UST: variants seen among roughly 807,000 people sequenced by gnomAD.
UST encodes the protein chondroitin sulfate 2-O-sulfotransferase.
UST carries 21 observed loss-of-function variants against 45.6 expected under a neutral mutation model. That is an observed-to-expected ratio of 0.46 (90% CI 0.33 to 0.66). The LOEUF (loss-of-function observed/expected upper bound fraction) is 0.66, where lower values mean the gene tolerates loss of function less well. Among genes scored for constraint, UST ranks in the 30% least tolerant of loss-of-function variants. The pLI is 0.02. For missense variants in UST, 463 were observed against 512.4 expected, an observed-to-expected ratio of 0.90 and a Z score of 0.93; for synonymous variants, 215 against 200.6, an observed-to-expected ratio of 1.07 and a Z score of -0.61.
intron 5 of UST, among the ~76,000 whole-genome samples, chr6:149,007,191 C>T (rs1292923080): frequency 7.0e-6 from 1 of 143,400 alleles, no homozygotes; most frequent in African/African-American, 2.6e-5. Context: ...GTGGTCTTGG[C>T]TCACTGTAAC....
intron 7 of UST, among the ~76,000 whole-genome samples, chr6:149,041,870 G>T (rs1218889803): frequency 6.6e-6 from 1 of 152,082 alleles, no homozygotes; most frequent in African/African-American, 2.4e-5. Context: ...ACTCCCCGAG[G>T]ACCCTAATAG....
chr6:148,937,140 C>T (rs1780040746), intron 2 of UST, among the ~76,000 whole-genome samples: 1 of 152,212 alleles, frequency 6.6e-6, no homozygotes, highest in Admixed American at 6.5e-5. Context: ...TGATTAAAAA[C>T]CCCACCCTAA....
chr6:148,866,946 T>G (rs1040903388), intron 1 of UST, among the ~76,000 whole-genome samples: 1 of 152,102 alleles, frequency 6.6e-6, no homozygotes, highest in Non-Finnish European at 1.5e-5. Context: ...GAAACGGTCA[T>G]GGCCTCGAGG....
chr6:148,822,662 T>C (rs1257001762), intron 1 of UST, among the ~76,000 whole-genome samples: 1 of 152,212 alleles, frequency 6.6e-6, no homozygotes, highest in African/African-American at 2.4e-5. Flanking sequence ...TCGGGGAATA[T>C]GAGTAATTTG....
intron 1 of UST, among the ~76,000 whole-genome samples, chr6:148,784,520 A>G (rs1485441626): frequency 1.3e-5 from 2 of 152,258 alleles, no homozygotes; most frequent in African/African-American, 4.8e-5. Context: ...AAGCTATATC[A>G]GGCAAATCAT....
At chr6:148,919,833 T>C (rs9767319) in intron 2 of UST, among the ~76,000 whole-genome samples, 4,916 of 152,324 alleles carry the variant, frequency 0.032, 276 homozygotes, top group African/African-American at 0.11. Context: ...GGCTTCTGAC[T>C]ACTGTCATCC....
intron 1 of UST, among the ~76,000 whole-genome samples, chr6:148,837,851 T>C (rs1191294572): frequency 1.3e-5 from 2 of 152,126 alleles, no homozygotes; most frequent in African/African-American, 4.8e-5. Flanking sequence ...TATAGGCATG[T>C]GCCACCATGC....
At chr6:148,770,807 C>T (rs539729934) in intron 1 of UST, among the ~76,000 whole-genome samples, 23 of 152,246 alleles carry the variant, frequency 1.5e-4, no homozygotes, top group Admixed American at 6.5e-4. Flanking sequence ...GCTGGTGCAG[C>T]GGGCAGAGGG....
At chr6:148,764,521 C>T (rs1486937566) in intron 1 of UST, among the ~76,000 whole-genome samples, 1 of 152,156 alleles carries the variant, frequency 6.6e-6, no homozygotes, top group Non-Finnish European at 1.5e-5. Flanking sequence ...CCCGATAATT[C>T]AACGTGGGTT....
intron 2 of UST, among the ~76,000 whole-genome samples, chr6:148,903,698 A>G (rs1462826781): frequency 6.6e-6 from 1 of 152,174 alleles, no homozygotes; most frequent in African/African-American, 2.4e-5. Context: ...GGAAATGCTC[A>G]GAAAAATCTG....
At position 149,026,109 on chromosome 6, in the gene UST, C is replaced by T. The variant is rs564120599; in HGVS notation, c.937+4628C>T. On this transcript the variant is annotated intron_variant, in intron 7 of 7. Transcript: ENST00000367463. The stretch of plus-strand genomic sequence containing the variant: ...GTTGCAGTGAGCAGAGATTGCACCA[C>T]TGCACTCCAGCCTAGGTGACAGTGT... Among the ~76,000 whole-genome samples the T allele has an allele frequency of 2.0e-5, 3 of 150,066 alleles. No individual in the cohort carries two copies. The East Asian group carries it at 5.9e-4, about 29-fold the overall frequency.
At chr6:149,061,057 C>T (rs569415665) in intron 7 of UST, among the ~76,000 whole-genome samples, 24 of 152,174 alleles carry the variant, frequency 1.6e-4, no homozygotes, top group African/African-American at 5.5e-4. Flanking sequence ...AAAGGAATGC[C>T]AGAGCCAGCC....
intron 1 of UST, among the ~76,000 whole-genome samples, chr6:148,775,803 G>A (rs1294391732): frequency 4.0e-5 from 6 of 151,468 alleles, no homozygotes; most frequent in African/African-American, 1.5e-4. Context: ...AATTTTTTTT[G>A]AAATTTTTAG....
intron 7 of UST, among the ~76,000 whole-genome samples, chr6:149,024,843 A>T (rs1776027481): frequency 6.6e-6 from 1 of 152,128 alleles, no homozygotes; most frequent in Non-Finnish European, 1.5e-5. Flanking sequence ...GGATCTAGTG[A>T]CCCTTAACTC....
chr6:148,866,011 G>A (rs1412025683), intron 1 of UST, among the ~76,000 whole-genome samples: 1 of 151,850 alleles, frequency 6.6e-6, no homozygotes, highest in Non-Finnish European at 1.5e-5. Flanking sequence ...GTGTGTGTAT[G>A]TATATGTATA....
intron 1 of UST, among the ~76,000 whole-genome samples, chr6:148,780,743 T>G (rs1362811422): frequency 6.6e-6 from 1 of 152,202 alleles, no homozygotes; most frequent in Non-Finnish European, 1.5e-5. Context: ...TCAGCACCAT[T>G]TTTTCTGATA....
At chr6:149,000,440 G>T (rs1254634736) in intron 5 of UST, among the ~76,000 whole-genome samples, 1 of 152,144 alleles carries the variant, frequency 6.6e-6, no homozygotes, top group Non-Finnish European at 1.5e-5. Flanking sequence ...AAGACAGAGG[G>T]TGAGAAGGAG....
intron 1 of UST, among the ~76,000 whole-genome samples, chr6:148,844,854 ACCT>A (rs1341914693): frequency 6.6e-6 from 1 of 151,686 alleles, no homozygotes; most frequent in Non-Finnish European, 1.5e-5. Flanking sequence ...CTTAATGGTT[ACCT>A]CCCACTTACA....
At chr6:148,915,254 A>G (rs896106101) in intron 2 of UST, among the ~76,000 whole-genome samples, 14 of 152,216 alleles carry the variant, frequency 9.2e-5, no homozygotes, top group Non-Finnish European at 1.8e-4. Context: ...CCTATACAAG[A>G]TAGAAGTTTA....
Sources: allele counts gnomAD v4.1 joint callset (sites outside exome capture counted in the v4.1 genomes callset), GRCh38; gene constraint gnomAD v4.1.1; transcripts MANE v1.5; gene names NCBI Gene and HGNC (gene_info 2026-07-23, HGNC 2026-07-21).